Variants in SLCO1B1 observed in about 807,000 individuals in gnomAD.
SLCO1B1 encodes the protein OATP-2.
A neutral mutation model predicts 70.1 loss-of-function variants in SLCO1B1; 81 were observed. The ratio of observed to expected loss-of-function variants is 1.16; its 90% CI spans 0.97 to 1.39. The LOEUF (loss-of-function observed/expected upper bound fraction) is 1.39, where lower values mean the gene tolerates loss of function less well. Among genes scored for constraint, SLCO1B1 ranks in the 40% most tolerant of loss-of-function variants. The probability of loss-of-function intolerance (pLI) is 0.00; values close to 1 mark genes in which losing one functional copy is unlikely to be tolerated. For missense variants in SLCO1B1, 895 were observed against 799.6 expected, an observed-to-expected ratio of 1.12 and a Z score of -1.44; for synonymous variants, 283 against 271.5, an observed-to-expected ratio of 1.04 and a Z score of -0.42.
intron 2 of SLCO1B1, among the ~76,000 whole-genome samples, chr12:21,167,748 A>G (rs1204021325): frequency 6.6e-6 from 1 of 151,938 alleles, no homozygotes; most frequent in African/African-American, 2.4e-5. Flanking sequence ...AGTTCTAAGT[A>G]AGTACCTTTC....
chr12:21,204,578 C>G (rs1306043339), intron 10 of SLCO1B1, among the ~76,000 whole-genome samples: 2 of 150,246 alleles, frequency 1.3e-5, no homozygotes, highest in Non-Finnish European at 3.0e-5. Flanking sequence ...AATGGCAAAA[C>G]TGATTTTAGA....
rs1287908073 is a variant in SLCO1B1 at position 21,206,032 on chromosome 12, TAGTG to T, written c.1497+3_1497+6del. 3.1e-6 allele frequency: 5 copies of T among 1,609,904 alleles called. No individual in the cohort carries two copies. The highest frequency in any genetic ancestry group is 2.2e-5 in the East Asian group (1 of 44,778). ...TCTTCAAGTGGCAATAAAAAGCCTATAGTGAGTATTAGTTTTTACTTTCCTCTCC... is the reference window on the plus strand; with the variant it reads ...TCTTCAAGTGGCAATAAAAAGCCTATAGTATTAGTTTTTACTTTCCTCTCC... On this transcript the variant is annotated splice_donor_variant and splice_donor_region_variant and coding_sequence_variant and intron_variant, in exon 11 of 15. Coordinates refer to ENST00000256958, the MANE Select transcript of SLCO1B1 (RefSeq NM_006446.5). LOFTEE classifies it high-confidence loss of function.
chr12:21,192,533 CACTT>C (rs1425777154), intron 7 of SLCO1B1, among the ~76,000 whole-genome samples: 1 of 151,716 alleles, frequency 6.6e-6, no homozygotes, highest in African/African-American at 2.4e-5. Flanking sequence ...AAAAGATCAA[CACTT>C]AGTTGTGTTG....
In SLCO1B1 at chr12:21,178,574, A is replaced by C. The variant is rs1225894543; in HGVS notation, c.482-2A>C. ...AAATGAAACACTCTCTTATCTACATAGGTTGTTTAAAGGAATCTGGGTCAT... is the reference window on the plus strand; with the variant it reads ...AAATGAAACACTCTCTTATCTACATCGGTTGTTTAAAGGAATCTGGGTCAT... On this transcript the variant is annotated splice_acceptor_variant, in intron 5 of 14. Coordinates refer to ENST00000256958, the MANE Select transcript of SLCO1B1 (RefSeq NM_006446.5). LOFTEE classifies it high-confidence loss of function. 6.3e-7 allele frequency: 1 copy of C among 1,598,012 alleles called. No individual in the cohort carries two copies.
intron 10 of SLCO1B1, among the ~76,000 whole-genome samples, chr12:21,204,792 A>G (rs746750745): frequency 6.6e-6 from 1 of 151,868 alleles, no homozygotes; most frequent in Non-Finnish European, 1.5e-5. Context: ...TTCTTAATTT[A>G]TAGACGGTAC....
intron 2 of SLCO1B1, among the ~76,000 whole-genome samples, 176 bp from the exon 3 acceptor site, chr12:21,172,474 A>G (rs893127569): frequency 5.3e-5 from 8 of 152,252 alleles, no homozygotes; most frequent in Middle Eastern, 3.2e-3. Flanking sequence ...TGTAGTGATA[A>G]TAACATTTAA....
At chr12:21,160,777 T>G (rs1397887455) in intron 2 of SLCO1B1, among the ~76,000 whole-genome samples, 2 of 152,152 alleles carry the variant, frequency 1.3e-5, no homozygotes, top group Non-Finnish European at 2.9e-5. Flanking sequence ...AACAAAGGTC[T>G]AATATCCAGC....
intron 13 of SLCO1B1, among the ~76,000 whole-genome samples, chr12:21,223,604 C>G (rs980285833): frequency 6.8e-4 from 104 of 152,144 alleles, no homozygotes; most frequent in African/African-American, 2.4e-3. Context: ...TGGCCTCAGT[C>G]CCTTGTCATT....
chr12:21,168,076 C>T (rs1298477342), intron 2 of SLCO1B1, among the ~76,000 whole-genome samples: 2 of 151,906 alleles, frequency 1.3e-5, no homozygotes, highest in Non-Finnish European at 2.9e-5. Context: ...CCACCTTGGC[C>T]TCCAAAAGTG....
At chr12:21,233,684 T>G (rs770235108) in intron 14 of SLCO1B1, among the ~76,000 whole-genome samples, 9 of 152,018 alleles carry the variant, frequency 5.9e-5, no homozygotes, top group Non-Finnish European at 1.2e-4. Flanking sequence ...GAGTTGGCAG[T>G]GCCTAGAATA....
chr12:21,174,656 C>T lies in SLCO1B1; in HGVS notation c.306C>T (p.Phe102=), dbSNP rs2121101129. 6.2e-7 allele frequency: 1 copy of T among 1,610,618 alleles called. No individual in the cohort carries two copies. The highest frequency in any genetic ancestry group is 8.5e-7 in the Non-Finnish European group (1 of 1,178,622). The change falls in exon 4 of 15, where the codon TTC becomes TTT. Residue 102 remains phenylalanine, a synonymous_variant. Coordinates refer to ENST00000256958, the MANE Select transcript of SLCO1B1 (RefSeq NM_006446.5). ...CAAAGTTAATTGGAATCGGTTGTTT[C>T]ATTATGGGAATTGGAGGTGTTTTGA... The part of the protein sequence containing the change: ...HRPKLIGIGC[F]IMGIGGVLTA...
rs753387133 is a variant in SLCO1B1, at chr12:21,197,206, A to C, written c.970+18A>C. On this transcript the variant is annotated intron_variant, in intron 8 of 14. Transcript: ENST00000256958. ...TGTGACTGGTAAGTATTTAACATTC[A>C]TTGTCAATTTGGAGTTGTTAATCTC... 6 of 1,611,790 alleles carry C rather than the reference A, an allele frequency of 3.7e-6. No individual in the cohort carries two copies. The Admixed American group carries it at 1.0e-4, about 27-fold the overall frequency.
intron 2 of SLCO1B1, among the ~76,000 whole-genome samples, chr12:21,149,138 T>C (rs1031037166): frequency 6.6e-6 from 1 of 152,044 alleles, no homozygotes; most frequent in Non-Finnish European, 1.5e-5. Flanking sequence ...GACAATGGGG[T>C]TTTCTAAATA....
At position 21,137,884 on chromosome 12, in the gene SLCO1B1, G is replaced by C. The variant is rs1313531734; in HGVS notation, c.-61-3630G>C. On this transcript the variant is annotated intron_variant, in intron 1 of 14. Transcript: ENST00000256958. ...TGGCACTCCCCAGTGAGATGAACCC[G>C]GTACCTCAGTTGGAAATGCAGAAAT... Among the ~76,000 whole-genome samples, 7 of 152,138 alleles carry C rather than the reference G, an allele frequency of 4.6e-5. No individual in the cohort carries two copies. In the South Asian group the frequency reaches 8.3e-4, roughly 18 times the overall value.
chr12:21,205,789 A>T, intron 10 of SLCO1B1, 79 bp from the exon 11 acceptor site: 2 of 1,039,972 alleles, frequency 1.9e-6, no homozygotes, highest in Non-Finnish European at 2.9e-6. Context: ...CTTTCACTTT[A>T]CTTCTTCCTT....
At chr12:21,133,548 A>G (rs1353452257) in intron 1 of SLCO1B1, among the ~76,000 whole-genome samples, 1 of 152,068 alleles carries the variant, frequency 6.6e-6, no homozygotes, top group Non-Finnish European at 1.5e-5. Flanking sequence ...GGTCCTTCAC[A>G]TCCCTTGTAA....
At chr12:21,161,150 C>T (rs542353398) in intron 2 of SLCO1B1, among the ~76,000 whole-genome samples, 3 of 152,250 alleles carry the variant, frequency 2.0e-5, no homozygotes, top group East Asian at 1.9e-4. Context: ...CCAGCAACCT[C>T]ATCACTGTGT....
chr12:21,136,658 T>C (rs966778579), intron 1 of SLCO1B1, among the ~76,000 whole-genome samples: 1 of 152,234 alleles, frequency 6.6e-6, no homozygotes, highest in Admixed American at 6.5e-5. Flanking sequence ...CATGTGGCTC[T>C]CTTGCCTTGG....
At chr12:21,145,989 G>A (rs1286129567) in intron 2 of SLCO1B1, among the ~76,000 whole-genome samples, 1 of 151,768 alleles carries the variant, frequency 6.6e-6, no homozygotes, top group Non-Finnish European at 1.5e-5. Context: ...ATTTTTTTCT[G>A]CTTCTAACCT....
Sources: allele counts gnomAD v4.1 joint callset (sites outside exome capture counted in the v4.1 genomes callset), GRCh38; gene constraint gnomAD v4.1.1; transcripts MANE v1.5; gene names NCBI Gene and HGNC (gene_info 2026-07-23, HGNC 2026-07-21).